GTF2F2: variants seen among roughly 807,000 people sequenced by gnomAD.
GTF2F2 encodes the protein ATP-dependent helicase GTF2F2.
In GTF2F2, 23 loss-of-function variants were observed where a neutral mutation model predicts 42.2. That is an observed-to-expected ratio of 0.55 (90% CI 0.39 to 0.77). GTF2F2 has a LOEUF of 0.77. GTF2F2 is among the 30% of genes least tolerant of loss of function. GTF2F2 has a pLI of 0.00. For synonymous variants in GTF2F2, 105 were observed against 100.8 expected (o/e 1.04, Z -0.25); for missense variants, 261 against 287.2 (o/e 0.91, Z 0.66).
rs367555030 is a variant in GTF2F2 at position 45,223,927 on chromosome 13, A to T, written c.386+16422A>T. On this transcript the variant is annotated intron_variant, in intron 5 of 7. Transcript: ENST00000340473. ...GTTATTTCTAGTAGTTGGGTTTTCA[A>T]AATAGTTACTAAACTCCTTTAAAAG... Among the ~76,000 whole-genome samples the T allele has an allele frequency of 2.0e-4, 31 of 152,206 alleles. No homozygotes were observed. The East Asian group carries it at 3.1e-3, about 15-fold the overall frequency.
At chr13:45,276,801 A>G (rs1877055262) in intron 7 of GTF2F2, among the ~76,000 whole-genome samples, 2 of 152,198 alleles carry the variant, frequency 1.3e-5, no homozygotes, top group Admixed American at 6.5e-5. Flanking sequence ...AAGAAAGTAA[A>G]TTTTGTTTAC....
At chr13:45,151,011 G>A (rs192588622) in intron 3 of GTF2F2, among the ~76,000 whole-genome samples, 139 of 152,154 alleles carry the variant, frequency 9.1e-4, no homozygotes, top group Non-Finnish European at 1.6e-3. Context: ...GGGTACATGT[G>A]TAGGTTTGTT....
At chr13:45,248,766 A>T (rs970576475) in intron 5 of GTF2F2, among the ~76,000 whole-genome samples, 2 of 151,632 alleles carry the variant, frequency 1.3e-5, no homozygotes, top group African/African-American at 2.4e-5. Context: ...GTGAGCCACC[A>T]CTCCCAGCCA....
At chr13:45,205,039 A>G (rs1282286885) in intron 4 of GTF2F2, among the ~76,000 whole-genome samples, 1 of 152,136 alleles carries the variant, frequency 6.6e-6, no homozygotes, top group Non-Finnish European at 1.5e-5. Flanking sequence ...TTTAACTGAA[A>G]GTTAAATTCA....
At chr13:45,244,356 C>G (rs1875477803) in intron 5 of GTF2F2, among the ~76,000 whole-genome samples, 1 of 152,068 alleles carries the variant, frequency 6.6e-6, no homozygotes, top group Non-Finnish European at 1.5e-5. Context: ...TTTTTGCTTA[C>G]TATGAGGAAA....
rs548022678 is a variant in GTF2F2 at position 45,231,400 on chromosome 13, C to T, written c.387-21471C>T. Among the ~76,000 whole-genome samples the T allele has an allele frequency of 1.2e-4, 18 of 152,274 alleles. No homozygotes were observed. In the East Asian group the frequency reaches 3.5e-3, roughly 29 times the overall value. ...GGATTACAGGCATGAGCCACTGTGC[C>T]GGCCTATTTTCATTCTTGAATTTAA... On this transcript the variant is annotated intron_variant, in intron 5 of 7. Transcript: ENST00000340473.
At chr13:45,229,411 G>A (rs1874555166) in intron 5 of GTF2F2, among the ~76,000 whole-genome samples, 1 of 151,948 alleles carries the variant, frequency 6.6e-6, no homozygotes, top group Admixed American at 6.6e-5. Context: ...CTTCCCATGT[G>A]CTTCACTTGT....
chr13:45,173,369 C>CTGTGTG (rs374858973), intron 4 of GTF2F2, among the ~76,000 whole-genome samples: 1,565 of 147,422 alleles, frequency 0.011, 31 homozygotes, highest in African/African-American at 0.037. Context: ...TTGTACTTAA[C>CTGTGTG]TGTGTGTGTG....
At chr13:45,182,698 A>G (rs913466126) in intron 4 of GTF2F2, among the ~76,000 whole-genome samples, 3 of 152,204 alleles carry the variant, frequency 2.0e-5, no homozygotes, top group Middle Eastern at 6.8e-3. Context: ...AAGAATTTTT[A>G]GTTCATTTTT....
chr13:45,229,963 C>G (rs1874589346), intron 5 of GTF2F2, among the ~76,000 whole-genome samples: 1 of 152,030 alleles, frequency 6.6e-6, no homozygotes, highest in African/African-American at 2.4e-5. Flanking sequence ...CACCTGTAAT[C>G]CCAGCACTTT....
intron 6 of GTF2F2, among the ~76,000 whole-genome samples, chr13:45,261,040 C>T (rs1053202211): frequency 2.6e-5 from 4 of 152,156 alleles, no homozygotes; most frequent in African/African-American, 9.7e-5. Context: ...GCAGGAGAAT[C>T]ACTTGAACAC....
chr13:45,151,790 T>C lies in GTF2F2; in HGVS notation c.263T>C (p.Val88Ala). Residue 88 changes from valine (V) to alanine (A), a missense_variant, in exon 4 of 8, where the codon GTT (valine) becomes GCT (alanine). By Grantham distance (64) the Val-to-Ala change is moderately conservative. Coordinates refer to ENST00000340473, the MANE Select transcript of GTF2F2 (RefSeq NM_004128.3). ...GAACATCCATTTGTCTTGCAAAGTG[T>C]TGGAGGACAGACATTAACAGTATTT... The part of the protein sequence containing the change: ...PREHPFVLQS[V>A]GGQTLTVFTE... The C allele has an allele frequency of 6.3e-7, 1 of 1,582,552 alleles. No individual in the cohort carries two copies. The highest frequency in any genetic ancestry group is 8.6e-7 in the Non-Finnish European group (1 of 1,158,400).
At chr13:45,242,189 A>G (rs533191926) in intron 5 of GTF2F2, among the ~76,000 whole-genome samples, 50 of 146,204 alleles carry the variant, frequency 3.4e-4, no homozygotes, top group African/African-American at 1.2e-3. Context: ...CCCTCACCCT[A>G]TTACTTCACC....
intron 1 of GTF2F2, among the ~76,000 whole-genome samples, chr13:45,124,766 A>G (rs530119750): frequency 1.1e-4 from 17 of 151,708 alleles, no homozygotes; most frequent in African/African-American, 2.9e-4. Context: ...GGGTTTCACC[A>G]TGTTGGCCAG....
At chr13:45,212,527 T>C in intron 5 of GTF2F2, among the ~76,000 whole-genome samples, 1 of 139,016 alleles carries the variant, frequency 7.2e-6, no homozygotes, top group Non-Finnish European at 1.6e-5. Flanking sequence ...TTTCTCTTTC[T>C]CTCTTTCTCA....
At chr13:45,166,577 C>T (rs191265487) in intron 4 of GTF2F2, among the ~76,000 whole-genome samples, 1 of 152,128 alleles carries the variant, frequency 6.6e-6, no homozygotes, top group Non-Finnish European at 1.5e-5. Flanking sequence ...TTTCAGATTG[C>T]ATCAAGTTAA....
At chr13:45,238,812 C>T (rs780023727) in intron 5 of GTF2F2, among the ~76,000 whole-genome samples, 5 of 151,802 alleles carry the variant, frequency 3.3e-5, no homozygotes, top group African/African-American at 9.7e-5. Flanking sequence ...GGTGTGGTGG[C>T]GCATGCCTGT....
At chr13:45,228,326 A>G (rs1320824513) in intron 5 of GTF2F2, among the ~76,000 whole-genome samples, 1 of 110,686 alleles carries the variant, frequency 9.0e-6, no homozygotes, top group Non-Finnish European at 1.9e-5. Flanking sequence ...TCTTGTTGCC[A>G]GAAAACAAGG....
At chr13:45,182,674 A>G (rs1872223079) in intron 4 of GTF2F2, among the ~76,000 whole-genome samples, 1 of 152,072 alleles carries the variant, frequency 6.6e-6, no homozygotes, top group African/African-American at 2.4e-5. Flanking sequence ...CTTTTTTCTT[A>G]GATGGTCCCA....
Sources: allele counts gnomAD v4.1 joint callset (sites outside exome capture counted in the v4.1 genomes callset), GRCh38; gene constraint gnomAD v4.1.1; transcripts MANE v1.5; gene names NCBI Gene and HGNC (gene_info 2026-07-23, HGNC 2026-07-21).